Variants in PEBP4 observed in about 807,000 individuals in gnomAD.
PEBP4 encodes the protein phosphatidylethanolamine binding protein 4.
In PEBP4, 22 loss-of-function variants were observed where a neutral mutation model predicts 23.9. The ratio of observed to expected loss-of-function variants is 0.92; its 90% CI spans 0.66 to 1.31. PEBP4 has a LOEUF of 1.31. Among genes scored for constraint, PEBP4 ranks in the 40% most tolerant of loss-of-function variants. PEBP4 has a pLI of 0.00. For synonymous variants in PEBP4, 112 were observed against 99.3 expected (o/e 1.13, Z -0.76); for missense variants, 324 against 281.7 (o/e 1.15, Z -1.07).
upstream of PEBP4, among the ~76,000 whole-genome samples, chr8:22,929,991 C>A (rs1240653332): frequency 6.6e-6 from 1 of 152,216 alleles, no homozygotes; most frequent in Non-Finnish European, 1.5e-5. Context: ...GCGTGAGCCA[C>A]CGCGCCCAGC....
chr8:22,779,333 C>T (rs1805873431), intron 4 of PEBP4, among the ~76,000 whole-genome samples: 1 of 152,132 alleles, frequency 6.6e-6, no homozygotes, highest in Non-Finnish European at 1.5e-5. Flanking sequence ...CCTCAATTTA[C>T]AAAGAATCTG....
Position 22,865,323 on chromosome 8 carries a change from G to T in PEBP4, c.259-47588C>A, listed in dbSNP as rs2128769419. On this transcript the variant is annotated intron_variant, in intron 3 of 6. Coordinates refer to ENST00000256404, the MANE Select transcript of PEBP4 (RefSeq NM_144962.3). The surrounding 1 kb of genome is among the most constrained non-coding windows in gnomAD (Gnocchi z 6.9). The stretch of plus-strand genomic sequence containing the variant: ...GGCGGGCGGATGGGAATTACCCCGG[G>T]TCCCCCTGCGGCGTCTCCCGCTGCC... Among the ~76,000 whole-genome samples, 1 of 151,634 alleles carries T rather than the reference G, an allele frequency of 6.6e-6. No individual in the cohort carries two copies. Among genetic ancestry groups the T allele is most frequent in the Non-Finnish European group, 1.5e-5 (1 of 67,794 alleles).
Position 22,902,225 on chromosome 8 carries a change from A to G in PEBP4, c.258+17959T>C, listed in dbSNP as rs980472207. 2.6e-5 allele frequency among the ~76,000 whole-genome samples: 4 copies of G among 152,192 alleles called. No homozygotes were observed. In the East Asian group the frequency reaches 7.7e-4, roughly 29 times the overall value. On this transcript the variant is annotated intron_variant, in intron 3 of 6. Coordinates refer to ENST00000256404, the MANE Select transcript of PEBP4 (RefSeq NM_144962.3). ...ACGCCTGTAATCCCAGCTACTTAGG[A>G]GGCTGAGGCAGGATAATTGCTTGAA...
At chr8:22,743,610 G>A (rs995606243) in intron 4 of PEBP4, among the ~76,000 whole-genome samples, 1 of 152,138 alleles carries the variant, frequency 6.6e-6, no homozygotes. Flanking sequence ...CCCTTATCTG[G>A]TTGAGACAAA....
At chr8:22,840,659 T>C (rs887404997) in intron 3 of PEBP4, among the ~76,000 whole-genome samples, 3 of 152,140 alleles carry the variant, frequency 2.0e-5, no homozygotes, top group Admixed American at 6.5e-5. Context: ...AAAGACTTGG[T>C]TGGAAGAATG....
At chr8:22,718,696 A>G (rs1804460478) in intron 6 of PEBP4, among the ~76,000 whole-genome samples, 1 of 151,520 alleles carries the variant, frequency 6.6e-6, no homozygotes, top group Non-Finnish European at 1.5e-5. Context: ...GCCCTGGGGG[A>G]TGCTGGGGCT....
chr8:22,730,992 A>G (rs1030175924), intron 4 of PEBP4, among the ~76,000 whole-genome samples: 2 of 151,940 alleles, frequency 1.3e-5, no homozygotes, highest in Non-Finnish European at 2.9e-5. Context: ...CCCAGCCCAG[A>G]CTCCAGATGT....
At chr8:22,812,700 A>G (rs1374769436) in intron 4 of PEBP4, among the ~76,000 whole-genome samples, 1 of 152,116 alleles carries the variant, frequency 6.6e-6, no homozygotes, top group East Asian at 1.9e-4. Flanking sequence ...CCTGATAAAG[A>G]TTGTTTATTC....
intron 4 of PEBP4, among the ~76,000 whole-genome samples, chr8:22,763,106 G>A (rs990505774): frequency 1.3e-5 from 2 of 152,026 alleles, no homozygotes; most frequent in African/African-American, 4.8e-5. Context: ...CCGTGTTCAA[G>A]CGATTCTCCG....
chr8:22,890,620 C>T (rs1808474190), intron 3 of PEBP4, among the ~76,000 whole-genome samples: 1 of 152,238 alleles, frequency 6.6e-6, no homozygotes, highest in South Asian at 2.1e-4. Flanking sequence ...GTCCACCAGA[C>T]AGAGTGTGTC....
chr8:22,869,437 G>A (rs903780657), intron 3 of PEBP4, among the ~76,000 whole-genome samples: 14 of 152,132 alleles, frequency 9.2e-5, no homozygotes, highest in African/African-American at 1.4e-4. Context: ...ACTTAGTGCC[G>A]GGCACAGTGC....
intron 4 of PEBP4, among the ~76,000 whole-genome samples, chr8:22,811,842 C>T (rs1279584213): frequency 2.0e-5 from 3 of 152,222 alleles, no homozygotes; most frequent in South Asian, 2.1e-4. Flanking sequence ...CTGTGTTGGG[C>T]ACTGTCTAGA....
intron 3 of PEBP4, among the ~76,000 whole-genome samples, chr8:22,918,935 G>A (rs920607089): frequency 4.0e-5 from 6 of 151,646 alleles, no homozygotes; most frequent in Non-Finnish European, 7.4e-5. Flanking sequence ...GTGTGCACAT[G>A]TGCACACATG....
At chr8:22,862,522 G>C (rs991144360) in intron 3 of PEBP4, among the ~76,000 whole-genome samples, 2 of 137,892 alleles carry the variant, frequency 1.5e-5, no homozygotes, top group African/African-American at 5.4e-5. Flanking sequence ...GAGAGGAGCT[G>C]GGAGTACAGT....
At chr8:22,729,581 T>C (rs1263132491) in intron 4 of PEBP4, among the ~76,000 whole-genome samples, 1 of 152,178 alleles carries the variant, frequency 6.6e-6, no homozygotes, top group Non-Finnish European at 1.5e-5. Flanking sequence ...CTGGGGAGCT[T>C]TTCTTATCAA....
chr8:22,778,059 A>G (rs1286830545), intron 4 of PEBP4, among the ~76,000 whole-genome samples: 2 of 152,120 alleles, frequency 1.3e-5, no homozygotes, highest in Non-Finnish European at 2.9e-5. Flanking sequence ...GGGCAGTGCC[A>G]TCACGGTTCC....
At chr8:22,804,082 C>T (rs933046342) in intron 4 of PEBP4, among the ~76,000 whole-genome samples, 1 of 152,150 alleles carries the variant, frequency 6.6e-6, no homozygotes, top group African/African-American at 2.4e-5. Flanking sequence ...AGTCCCAGCA[C>T]TTTTTGGGAG....
At position 22,854,955 on chromosome 8, in the gene PEBP4, T is replaced by C. The variant is rs62495015; in HGVS notation, c.259-37220A>G. 7.2e-3 allele frequency among the ~76,000 whole-genome samples: 744 copies of C among 103,584 alleles called. 9 individuals are homozygous for C. Among genetic ancestry groups the C allele is most frequent in the East Asian group, 0.043 (127 of 2,962 alleles). The allele number at this position is 103,584 out of a possible 152,430, so 68.0% of individuals were successfully genotyped here. On this transcript the variant is annotated intron_variant, in intron 3 of 6. Transcript: ENST00000256404. ...GTGTGTGTGTGTGTGTGTGTGTGTGTGCGTGCAAGCTTGTCCAAATGAGTG... is the reference window on the plus strand; with the variant it reads ...GTGTGTGTGTGTGTGTGTGTGTGTGCGCGTGCAAGCTTGTCCAAATGAGTG...
chr8:22,819,810 G>C (rs555979956), intron 3 of PEBP4, among the ~76,000 whole-genome samples: 1 of 152,254 alleles, frequency 6.6e-6, no homozygotes, highest in African/African-American at 2.4e-5. Context: ...GTTTCACCGT[G>C]TTAGCCAGGA....
Sources: gnomAD v4.1 joint callset for allele counts (sites outside exome capture counted in the v4.1 genomes callset) on GRCh38, gnomAD v4.1.1 for gene constraint, Gnocchi (gnomAD v3.1) non-coding constraint, MANE v1.5 for transcripts, NCBI Gene and HGNC (gene_info 2026-07-23, HGNC 2026-07-21) for gene names.